DNAJC10: variants seen among roughly 807,000 people sequenced by gnomAD.
DNAJC10 encodes the protein endoplasmic reticulum disulfide reductase DNAJC10.
A neutral mutation model predicts 115.0 loss-of-function variants in DNAJC10; 101 were observed. The observed-to-expected ratio is 0.88, with a 90% confidence interval of 0.75 to 1.04. The LOEUF is 1.04. DNAJC10 is among the 50% of genes least tolerant of loss of function. The pLI is 0.00. For missense variants in DNAJC10, 981 were observed against 928.8 expected (o/e 1.06, Z -0.73); for synonymous variants, 307 against 301.5 (o/e 1.02, Z -0.19).
intron 21 of DNAJC10, 74 bp downstream of exon 21, chr2:182,759,381 G>A: frequency 1.4e-6 from 2 of 1,440,354 alleles, no homozygotes; most frequent in South Asian, 2.6e-5. Context: ...TTGTAAGTAT[G>A]TAATTTTTAG....
At position 182,779,409 on chromosome 2, in the gene DNAJC10, T is replaced by C. The variant is rs904838515; in HGVS notation, c.*2277T>C. The C allele has an allele frequency of 6.6e-6, 1 of 152,168 alleles. No homozygotes were observed. The highest frequency in any genetic ancestry group is 1.5e-5 in the Non-Finnish European group (1 of 68,048). The allele number at this position is 152,168 out of a possible 1,614,324, so 9.4% of individuals were successfully genotyped here. ...TCAATTCTAGCTGACCAAAGCACAT[T>C]CTATCAGGCAGCCAGGCTTGGAAAT... On this transcript the variant is annotated 3_prime_UTR_variant, in exon 24 of 24. Coordinates refer to ENST00000264065, the MANE Select transcript of DNAJC10 (RefSeq NM_018981.4).
Position 182,717,010 on chromosome 2 carries a change from T to C in DNAJC10, c.-203-6T>C, listed in dbSNP as rs989356369. 1 of 152,248 alleles carries C rather than the reference T, an allele frequency of 6.6e-6. No homozygotes were observed. Among genetic ancestry groups the C allele is most frequent in the African/African-American group, 2.4e-5 (1 of 41,464 alleles). The allele number at this position is 152,248 out of a possible 1,614,324, so 9.4% of individuals were successfully genotyped here. On this transcript the variant is annotated splice_polypyrimidine_tract_variant and splice_region_variant and intron_variant, in intron 1 of 23. Transcript: ENST00000264065. ...GTTAATCTCTACATCATTATATTTT[T>C]CAAAGGTATATTTTTGTGGAATGAA...
intron 14 of DNAJC10, among the ~76,000 whole-genome samples, chr2:182,750,638 C>T (rs1310351115): frequency 6.6e-6 from 1 of 152,186 alleles, no homozygotes; most frequent in Non-Finnish European, 1.5e-5. Context: ...GTCCACTACA[C>T]ATCTAGGCTA....
chr2:182,752,163 C>CAG lies in DNAJC10; in HGVS notation c.1527_1528dup (p.Val510GlufsTer42). On this transcript the variant is annotated frameshift_variant, in exon 16 of 24. Transcript: ENST00000264065. LOFTEE classifies it high-confidence loss of function. ...CTTAAGTTTGGTACACTAGATTGTACAGTTCATGAGGGACTCTGTAACATG... is the reference window on the plus strand; with the variant it reads ...CTTAAGTTTGGTACACTAGATTGTACAGAGTTCATGAGGGACTCTGTAACATG... 4 of 1,608,568 alleles carry CAG rather than the reference C, an allele frequency of 2.5e-6. No homozygotes were observed. The highest frequency in any genetic ancestry group is 3.4e-6 in the Non-Finnish European group (4 of 1,175,908).
chr2:182,757,743 T>G lies in DNAJC10; in HGVS notation c.1861T>G (p.Ser621Ala). 1 of 1,605,660 alleles carries G rather than the reference T, an allele frequency of 6.2e-7. No homozygotes were observed. ...CAGTATAGATTGCCAACAGTATCAT[T>G]CTTTTTGTGCCCAGGAAAACGTTCA... ...VGSIDCQQYH[S>A]FCAQENVQRY... The change falls in exon 19 of 24, where the codon TCT becomes GCT. Residue 621 changes from serine (S) to alanine (A), a missense_variant. Transcript: ENST00000264065.
chr2:182,732,588 C>T, intron 10 of DNAJC10, 46 bp downstream of exon 10: 1 of 1,566,526 alleles, frequency 6.4e-7, no homozygotes, highest in Non-Finnish European at 8.8e-7. Flanking sequence ...TGTAAAGAAA[C>T]ACATTTAGAA....
rs755162770 is a variant in DNAJC10 at position 182,751,665 on chromosome 2, G to A, written c.1314G>A (p.Lys438=). ...TCTCATTCACTTTGAAAGGAAAGAAGATTCTATATGATATACTTGCCTTTG... is the reference window on the plus strand; with the variant it reads ...TCTCATTCACTTTGAAAGGAAAGAAAATTCTATATGATATACTTGCCTTTG... The part of the protein sequence containing the change: ...TKEYEIHHGK[K]ILYDILAFAK... The change falls in exon 15 of 24, where the codon AAG becomes AAA. Residue 438 remains lysine, a synonymous_variant. Coordinates refer to ENST00000264065, the MANE Select transcript of DNAJC10 (RefSeq NM_018981.4). 1.2e-6 allele frequency: 2 copies of A among 1,611,756 alleles called. No individual in the cohort carries two copies. Among genetic ancestry groups the A allele is most frequent in the Admixed American group, 1.7e-5 (1 of 59,510 alleles).
chr2:182,752,133 G>T lies in DNAJC10; in HGVS notation c.1496G>T (p.Gly499Val), dbSNP rs1309611188. 3 of 1,613,468 alleles carry T rather than the reference G, an allele frequency of 1.9e-6. No individual in the cohort carries two copies. Among genetic ancestry groups the T allele is most frequent in the Admixed American group, 3.3e-5 (2 of 59,958 alleles). The change falls in exon 16 of 24, where the codon GGT becomes GTT. Residue 499 changes from glycine to valine, a missense_variant. Coordinates refer to ENST00000264065, the MANE Select transcript of DNAJC10 (RefSeq NM_018981.4). Reference sequence around the variant, plus strand: ...CGAAGAGCATCAAATCTTCTTTATGGTCAGCTTAAGTTTGGTACACTAGAT... The same window carrying T: ...CGAAGAGCATCAAATCTTCTTTATGTTCAGCTTAAGTTTGGTACACTAGAT... ...ELRRASNLLY[G>V]QLKFGTLDCT...
At chr2:182,749,125 A>G (rs1246838917) in intron 14 of DNAJC10, among the ~76,000 whole-genome samples, 1 of 151,756 alleles carries the variant, frequency 6.6e-6, no homozygotes, top group Non-Finnish European at 1.5e-5. Context: ...AAAAAAATGT[A>G]TATTCTGTTG....
intron 17 of DNAJC10, among the ~76,000 whole-genome samples, chr2:182,756,056 G>T (rs779265959): frequency 1.4e-4 from 21 of 152,070 alleles, no homozygotes; most frequent in Admixed American, 3.3e-4. Context: ...CTCAAAAATG[G>T]GAACTTTCTA....
At chr2:182,756,236 T>C in intron 17 of DNAJC10, 78 bp from the exon 18 acceptor site, 2 of 1,232,088 alleles carry the variant, frequency 1.6e-6, no homozygotes, top group Non-Finnish European at 2.2e-6. Flanking sequence ...ATACTCAACC[T>C]GTACCAACAA....
At chr2:182,769,747 A>C (rs368344515) in intron 22 of DNAJC10, among the ~76,000 whole-genome samples, 2 of 152,178 alleles carry the variant, frequency 1.3e-5, no homozygotes, top group East Asian at 3.8e-4. Context: ...TAGATTGCCA[A>C]CATTTTCTCC....
intron 10 of DNAJC10, 31 bp from the exon 11 acceptor site, chr2:182,736,199 ACTTTTTGCCTCCCATTTAC>A: frequency 6.6e-7 from 1 of 1,522,604 alleles, no homozygotes; most frequent in Non-Finnish European, 8.7e-7. Flanking sequence ...AATCCCTTTA[ACTTTTTGCCTCCCATTTAC>A]AACATGGTTT....
chr2:182,760,595 G>C (rs1193287965), intron 21 of DNAJC10, among the ~76,000 whole-genome samples: 1 of 152,144 alleles, frequency 6.6e-6, no homozygotes, highest in Non-Finnish European at 1.5e-5. Flanking sequence ...CCTCAATGCA[G>C]TCTGAGCTTT....
chr2:182,747,036 G>C (rs1278290648), intron 14 of DNAJC10, among the ~76,000 whole-genome samples: 4 of 152,166 alleles, frequency 2.6e-5, no homozygotes, highest in Non-Finnish European at 5.9e-5. Context: ...AGATCAGATA[G>C]TTGTATATAT....
rs1268727411 is a variant in DNAJC10 at position 182,777,709 on chromosome 2, A to G, written c.*577A>G. On this transcript the variant is annotated 3_prime_UTR_variant, in exon 24 of 24. Transcript: ENST00000264065. ...TTTATATTTCGTTTTAAAAACACCCATGATGTGGCACAGTAAACAAACCCT... is the reference window on the plus strand; with the variant it reads ...TTTATATTTCGTTTTAAAAACACCCGTGATGTGGCACAGTAAACAAACCCT... 3.3e-5 allele frequency: 5 copies of G among 152,178 alleles called. No individual in the cohort carries two copies. Among genetic ancestry groups the G allele is most frequent in the African/African-American group, 1.2e-4 (5 of 41,448 alleles). The allele number at this position is 152,178 out of a possible 1,614,324, so 9.4% of individuals were successfully genotyped here.
chr2:182,760,747 A>G (rs1463330165), intron 21 of DNAJC10, among the ~76,000 whole-genome samples: 2 of 152,106 alleles, frequency 1.3e-5, no homozygotes, highest in African/African-American at 4.8e-5. Flanking sequence ...CTCCAGTTCC[A>G]CCAGTTCACA....
chr2:182,753,086 C>CATAA (rs1694065937), intron 16 of DNAJC10, among the ~76,000 whole-genome samples: 1 of 151,860 alleles, frequency 6.6e-6, no homozygotes, highest in African/African-American at 2.4e-5. Context: ...GAGGGGAGTC[C>CATAA]TTATATTTTA....
At chr2:182,756,580 A>G in intron 18 of DNAJC10, 111 bp downstream of exon 18, 2 of 1,035,294 alleles carry the variant, frequency 1.9e-6, no homozygotes, top group Non-Finnish European at 2.8e-6. Flanking sequence ...ATTACTTAAT[A>G]ACAGTACTGA....
Sources: gnomAD v4.1 joint callset for allele counts (sites outside exome capture counted in the v4.1 genomes callset) on GRCh38, gnomAD v4.1.1 for gene constraint, MANE v1.5 for transcripts, NCBI Gene and HGNC (gene_info 2026-07-23, HGNC 2026-07-21) for gene names.